LIN9: variants seen among roughly 807,000 people sequenced by gnomAD.
LIN9 encodes protein lin-9 homolog.
A neutral mutation model predicts 78.0 loss-of-function variants in LIN9; 18 were observed. The observed-to-expected ratio is 0.23, with a 90% confidence interval of 0.16 to 0.34. LIN9 has a LOEUF of 0.34. LIN9 is among the 10% of genes least tolerant of loss of function. The pLI is 1.00. For synonymous variants in LIN9, 192 were observed against 215.2 expected, an observed-to-expected ratio of 0.89 and a Z score of 0.94; for missense variants, 451 against 644.1, an observed-to-expected ratio of 0.70 and a Z score of 3.25.
chr1:226,234,893 A>ATTTTTTTTTT (rs558971569), intron 12 of LIN9, among the ~76,000 whole-genome samples: 1 of 134,334 alleles, frequency 7.4e-6, no homozygotes. Context: ...GTTATCCTAA[A>ATTTTTTTTTT]TTTTTTTTTT....
intron 7 of LIN9, among the ~76,000 whole-genome samples, chr1:226,272,465 G>C (rs112005690): frequency 0.03 from 4,350 of 145,074 alleles, 201 homozygotes; most frequent in African/African-American, 0.1. Context: ...CTGTAGCCTT[G>C]AACTCCTGTG....
intron 6 of LIN9, among the ~76,000 whole-genome samples, chr1:226,278,878 T>C (rs1660841177): frequency 1.3e-5 from 2 of 148,418 alleles, no homozygotes; most frequent in South Asian, 4.3e-4. Context: ...TCCCAGCACT[T>C]TGGGAGGCCG....
chr1:226,235,887 T>C (rs1001592253), intron 12 of LIN9, among the ~76,000 whole-genome samples: 1 of 152,224 alleles, frequency 6.6e-6, no homozygotes. Flanking sequence ...TTTGAAAAAT[T>C]AAGCTGATAC....
At chr1:226,308,130 C>G (rs1289099913) in intron 1 of LIN9, among the ~76,000 whole-genome samples, 1 of 152,196 alleles carries the variant, frequency 6.6e-6, no homozygotes, top group Non-Finnish European at 1.5e-5. Flanking sequence ...TATGTATAAA[C>G]TGAATAGTGA....
chr1:226,307,218 T>C (rs1033971915), intron 1 of LIN9, among the ~76,000 whole-genome samples: 1 of 152,200 alleles, frequency 6.6e-6, no homozygotes, highest in Non-Finnish European at 1.5e-5. Context: ...GCTCTAGTGA[T>C]TGTGACATCC....
intron 4 of LIN9, among the ~76,000 whole-genome samples, chr1:226,294,111 CA>C (rs1050099882): frequency 1.3e-5 from 2 of 151,486 alleles, no homozygotes; most frequent in Non-Finnish European, 2.9e-5. Context: ...AGTTTGAGAC[CA>C]GCCTGGCCAA....
At chr1:226,291,938 A>C (rs567532583) in intron 4 of LIN9, among the ~76,000 whole-genome samples, 88 of 152,272 alleles carry the variant, frequency 5.8e-4, no homozygotes, top group African/African-American at 2.1e-3. Flanking sequence ...TTAAATGTAA[A>C]AAGAAGAAAA....
At chr1:226,298,047 T>C (rs1014379012) in intron 2 of LIN9, among the ~76,000 whole-genome samples, 3 of 152,270 alleles carry the variant, frequency 2.0e-5, no homozygotes, top group African/African-American at 7.2e-5. Flanking sequence ...ATGTCCATAC[T>C]GAAACATGTG....
chr1:226,258,981 T>C (rs1659394079), intron 10 of LIN9, among the ~76,000 whole-genome samples: 2 of 149,664 alleles, frequency 1.3e-5, no homozygotes, highest in Non-Finnish European at 3.0e-5. Context: ...AATTTTTTTT[T>C]TTTTTTTGAG....
chr1:226,259,909 T>C (rs983554665), intron 10 of LIN9, among the ~76,000 whole-genome samples: 1 of 146,800 alleles, frequency 6.8e-6, no homozygotes, highest in Non-Finnish European at 1.5e-5. Context: ...CAGAATAATA[T>C]AAACTAGAGC....
At chr1:226,238,750 C>T (rs1003156997) in intron 12 of LIN9, among the ~76,000 whole-genome samples, 3 of 151,964 alleles carry the variant, frequency 2.0e-5, no homozygotes, top group Non-Finnish European at 4.4e-5. Flanking sequence ...TTTTGGAGGG[C>T]CTTATTTGTA....
chr1:226,233,329 T>C lies in LIN9; in HGVS notation c.1425+15A>G, dbSNP rs1576265223. On this transcript the variant is annotated intron_variant, in intron 13 of 14. Transcript: ENST00000681046. Reference sequence around the variant, plus strand: ...CTTTGTGTCAAATTAAGAAAATATTTTCTCTAAGATTTACCTTAATTTGTA... The same window carrying C: ...CTTTGTGTCAAATTAAGAAAATATTCTCTCTAAGATTTACCTTAATTTGTA... 3 of 1,590,100 alleles carry C rather than the reference T, an allele frequency of 1.9e-6. No individual in the cohort carries two copies. The East Asian group carries it at 6.8e-5, about 36-fold the overall frequency.
rs1292905267 is a variant in LIN9 at position 226,286,357 on chromosome 1, C to T, written c.500G>A (p.Arg167Gln). The change falls in exon 6 of 15, where the codon CGG becomes CAG. Residue 167 changes from arginine to glutamine, a missense_variant. By Grantham distance (43) the Arg-to-Gln change is conservative. Coordinates refer to ENST00000681046, the MANE Select transcript of LIN9 (RefSeq NM_001366245.2). ...KLTRVEWGKI[R>Q]RLMGKPRRCS... ...CCTCCGTGGTTTTCCCATAAGCCGCCGAATTTTTCCCCATTCTACTCTTGT... is the reference window on the plus strand; with the variant it reads ...CCTCCGTGGTTTTCCCATAAGCCGCTGAATTTTTCCCCATTCTACTCTTGT... 2 of 1,610,636 alleles carry T rather than the reference C, an allele frequency of 1.2e-6. No individual in the cohort carries two copies. The highest frequency in any genetic ancestry group is 8.5e-7 in the Non-Finnish European group (1 of 1,179,238).
intron 10 of LIN9, among the ~76,000 whole-genome samples, chr1:226,258,240 C>T (rs543874478): frequency 6.6e-6 from 1 of 151,974 alleles, no homozygotes; most frequent in Non-Finnish European, 1.5e-5. Context: ...GTGGCTGACA[C>T]TTGTAATTCC....
At chr1:226,261,538 AC>A (rs1343240944) in intron 10 of LIN9, among the ~76,000 whole-genome samples, 1 of 152,218 alleles carries the variant, frequency 6.6e-6, no homozygotes, top group African/African-American at 2.4e-5. Context: ...TTACCTTAAC[AC>A]CCCCCAAAAT....
chr1:226,270,762 C>T (rs368867785), intron 7 of LIN9, among the ~76,000 whole-genome samples: 148 of 136,860 alleles, frequency 1.1e-3, no homozygotes, highest in African/African-American at 3.8e-3. Flanking sequence ...GAGGTAGAGA[C>T]TGCAGTGAGC....
At chr1:226,278,820 T>A (rs1660833327) in intron 6 of LIN9, among the ~76,000 whole-genome samples, 1 of 114,512 alleles carries the variant, frequency 8.7e-6, no homozygotes. Flanking sequence ...TAAAACTCCG[T>A]CTCAAAAAAA....
chr1:226,245,261 TGG>T (rs1307134562), intron 11 of LIN9, among the ~76,000 whole-genome samples: 3 of 152,092 alleles, frequency 2.0e-5, no homozygotes, highest in Non-Finnish European at 1.5e-5. Context: ...ATATGGACAG[TGG>T]TATAGAAATA....
intron 12 of LIN9, among the ~76,000 whole-genome samples, chr1:226,236,406 A>G (rs1657711344): frequency 6.6e-6 from 1 of 151,942 alleles, no homozygotes; most frequent in Non-Finnish European, 1.5e-5. Context: ...GAGCTTTATA[A>G]AAATGTAATC....
Sources: gnomAD v4.1 joint callset for allele counts (sites outside exome capture counted in the v4.1 genomes callset) on GRCh38, gnomAD v4.1.1 for gene constraint, MANE v1.5 for transcripts, NCBI Gene and HGNC (gene_info 2026-07-23, HGNC 2026-07-21) for gene names.